SCMH1: variants seen among roughly 807,000 people sequenced by gnomAD.
SCMH1 encodes polycomb protein SCMH1.
Under a neutral mutation model 70.8 loss-of-function variants are expected in SCMH1, and 37 were observed. That is an observed-to-expected ratio of 0.52 (90% confidence interval 0.40 to 0.69). The LOEUF (loss-of-function observed/expected upper bound fraction) is 0.69. SCMH1 is among the 30% of genes least tolerant of loss of function. The probability of loss-of-function intolerance (pLI) is 0.00; values close to 1 mark genes in which losing one functional copy is unlikely to be tolerated. For missense variants in SCMH1, 607 were observed against 827.3 expected, an observed-to-expected ratio of 0.73 and a Z score of 3.27; for synonymous variants, 292 against 307.4, an observed-to-expected ratio of 0.95 and a Z score of 0.52.
chr1:41,139,143 C>T (rs1051573763), intron 6 of SCMH1, among the ~76,000 whole-genome samples: 3 of 152,130 alleles, frequency 2.0e-5, no homozygotes, highest in Admixed American at 2.0e-4. Flanking sequence ...GGACTGCCAT[C>T]TCCAGTCCAC....
chr1:41,185,914 C>T (rs1172286375), intron 2 of SCMH1: 12 of 378,630 alleles, frequency 3.2e-5, no homozygotes, highest in Non-Finnish European at 4.8e-5. Context: ...CATGAGCCAC[C>T]GAGAAATATT....
At chr1:41,120,819 T>C (rs1028060650) in intron 6 of SCMH1, among the ~76,000 whole-genome samples, 2 of 152,206 alleles carry the variant, frequency 1.3e-5, no homozygotes, top group Non-Finnish European at 1.5e-5. Context: ...TCTTACACTG[T>C]CAGGCTGGAA....
intron 2 of SCMH1, among the ~76,000 whole-genome samples, chr1:41,174,196 C>A (rs550739690): frequency 1.1e-3 from 170 of 151,182 alleles, no homozygotes; most frequent in African/African-American, 4.0e-3. Flanking sequence ...ACACTGTACC[C>A]AATAAATATG....
chr1:41,229,519 T>A (rs1028354957), intron 1 of SCMH1, among the ~76,000 whole-genome samples: 3 of 152,030 alleles, frequency 2.0e-5, no homozygotes, highest in African/African-American at 7.3e-5. Flanking sequence ...ATGTTCTCAC[T>A]CACAGGTGGG....
intron 8 of SCMH1, among the ~76,000 whole-genome samples, chr1:41,109,850 C>T (rs896445112): frequency 6.6e-6 from 1 of 152,160 alleles, no homozygotes; most frequent in Non-Finnish European, 1.5e-5. Context: ...ACACAAAGAC[C>T]GTCAGCTCTG....
At chr1:41,028,270 TTCA>T (rs1323050745) in exon 15 of SCMH1, 11 of 1,614,022 alleles carry the variant, frequency 6.8e-6, no homozygotes, top group Non-Finnish European at 8.5e-6. Flanking sequence ...GCCCATGTAC[TTCA>T]TCATCATGTC....
chr1:41,137,322 C>A (rs889557990), intron 6 of SCMH1, among the ~76,000 whole-genome samples: 2 of 152,074 alleles, frequency 1.3e-5, no homozygotes, highest in African/African-American at 4.8e-5. Flanking sequence ...TTATTATCAT[C>A]GTGTTTTAGG....
In SCMH1 at chr1:41,128,449, C is replaced by T. The variant is rs146345580; in HGVS notation, c.413-11439G>A. Among the ~76,000 whole-genome samples the T allele has an allele frequency of 1.5e-3, 235 of 152,264 alleles. 2 individuals carry two copies. Among genetic ancestry groups the T allele is most frequent in the East Asian group, 0.012 (64 of 5,178 alleles). ...TTGGTATAGAATTCTAGCTTAACAA[C>T]TTGTTTTCCTTTTAGAACTTAAAAA... On this transcript the variant is annotated intron_variant, in intron 6 of 14. Coordinates refer to ENST00000337495, the Ensembl canonical transcript of SCMH1.
intron 6 of SCMH1, among the ~76,000 whole-genome samples, chr1:41,124,459 A>AAT (rs1672689261): frequency 6.6e-6 from 1 of 152,180 alleles, no homozygotes; most frequent in Non-Finnish European, 1.5e-5. Context: ...ATTCATGTAT[A>AAT]ATAGTCCTGT....
At chr1:41,151,629 G>A (rs1457015229) in exon 5 of SCMH1, 3 of 1,611,350 alleles carry the variant, frequency 1.9e-6, no homozygotes, top group Non-Finnish European at 2.5e-6. Context: ...TGAAGCAATG[G>A]ACAGGCGCTG....
At chr1:41,034,608 T>G (rs1645036152) in intron 13 of SCMH1, among the ~76,000 whole-genome samples, 1 of 152,194 alleles carries the variant, frequency 6.6e-6, no homozygotes. Context: ...ATTACAGGCA[T>G]AAGCCACCGT....
At chr1:41,096,364 T>G (rs143910504) in intron 8 of SCMH1, among the ~76,000 whole-genome samples, 95 of 152,332 alleles carry the variant, frequency 6.2e-4, no homozygotes, top group African/African-American at 2.2e-3. Context: ...ACATGGTGTG[T>G]GATTTTAAGG....
At chr1:41,062,123 C>T (rs923594795) in intron 10 of SCMH1, among the ~76,000 whole-genome samples, 14 of 151,996 alleles carry the variant, frequency 9.2e-5, no homozygotes, top group African/African-American at 2.7e-4. Flanking sequence ...GCCTCAGACT[C>T]CCAAAGTGCT....
chr1:41,185,984 A>C, intron 2 of SCMH1, 137 bp downstream of exon 2: 1 of 856,498 alleles, frequency 1.2e-6, no homozygotes, highest in Non-Finnish European at 1.7e-6. Context: ...AATTCATGCC[A>C]ATGACAAAAA....
intron 1 of SCMH1, among the ~76,000 whole-genome samples, chr1:41,210,207 C>G (rs936108892): frequency 3.3e-5 from 5 of 152,064 alleles, no homozygotes; most frequent in Non-Finnish European, 4.4e-5. Flanking sequence ...TGAAATAAAA[C>G]AGGACACAAA....
chr1:41,181,272 C>T (rs569173009), intron 2 of SCMH1, among the ~76,000 whole-genome samples: 46 of 152,254 alleles, frequency 3.0e-4, no homozygotes, highest in Admixed American at 5.9e-4. Flanking sequence ...CAATACCATT[C>T]GGGACACAGG....
intron 8 of SCMH1, among the ~76,000 whole-genome samples, chr1:41,103,515 T>C (rs1232368291): frequency 6.6e-6 from 1 of 152,186 alleles, no homozygotes; most frequent in Non-Finnish European, 1.5e-5. Flanking sequence ...CCAACACTTA[T>C]TTAAAATTGG....
intron 1 of SCMH1, among the ~76,000 whole-genome samples, chr1:41,187,904 C>T (rs1010350364): frequency 4.6e-5 from 7 of 151,900 alleles, no homozygotes; most frequent in Non-Finnish European, 1.0e-4. Flanking sequence ...GGAGGATCAC[C>T]TGAGCTCAGG....
chr1:41,092,907 G>A (rs1322354957), intron 8 of SCMH1, among the ~76,000 whole-genome samples: 1 of 152,150 alleles, frequency 6.6e-6, no homozygotes, highest in African/African-American at 2.4e-5. Context: ...AAATAGGAAT[G>A]CTTTTACACT....
Sources: allele counts gnomAD v4.1 joint callset (sites outside exome capture counted in the v4.1 genomes callset), GRCh38; gene constraint gnomAD v4.1.1; transcripts MANE v1.5; gene names NCBI Gene and HGNC (gene_info 2026-07-23, HGNC 2026-07-21).